Variants in CRTAC1 observed in about 807,000 individuals in gnomAD.
CRTAC1 encodes cartilage acidic protein 1, also known as acidic secreted protein in cartilage.
CRTAC1 carries 37 observed loss-of-function variants against 67.8 expected under a neutral mutation model. That is an observed-to-expected ratio of 0.55 (90% CI 0.42 to 0.72). CRTAC1 has a LOEUF of 0.72. Among genes scored for constraint, CRTAC1 ranks in the 30% least tolerant of loss-of-function variants. The pLI, the probability that CRTAC1 is intolerant of heterozygous loss-of-function variation, is 0.00. For missense variants in CRTAC1, 780 were observed against 931.6 expected, an observed-to-expected ratio of 0.84 and a Z score of 2.12; for synonymous variants, 348 against 371.0, an observed-to-expected ratio of 0.94 and a Z score of 0.71.
chr10:97,935,606 G>T (rs558120973), intron 3 of CRTAC1, among the ~76,000 whole-genome samples: 1 of 152,186 alleles, frequency 6.6e-6, no homozygotes. Flanking sequence ...ACGAACTCAA[G>T]GTCTGTCTTC....
At chr10:97,944,067 A>G (rs1020876822) in intron 2 of CRTAC1, among the ~76,000 whole-genome samples, 2 of 152,326 alleles carry the variant, frequency 1.3e-5, no homozygotes. Context: ...AAATGTATGA[A>G]AGATTTTAGG....
chr10:97,974,696 G>A (rs1190198834), intron 2 of CRTAC1, among the ~76,000 whole-genome samples: 1 of 152,114 alleles, frequency 6.6e-6, no homozygotes, highest in Non-Finnish European at 1.5e-5. Flanking sequence ...CTCCGCTCGG[G>A]GTCACCCCTG....
intron 3 of CRTAC1, among the ~76,000 whole-genome samples, chr10:97,935,073 A>T (rs2051065198): frequency 6.6e-6 from 1 of 152,198 alleles, no homozygotes; most frequent in Admixed American, 6.5e-5. Context: ...TAGGCTCTCC[A>T]AGAGGCAGTG....
At position 97,896,972 on chromosome 10, in the gene CRTAC1, C is replaced by T. The variant is rs978681231; in HGVS notation, c.1153G>A (p.Gly385Arg). The T allele has an allele frequency of 1.0e-5, 16 of 1,559,228 alleles. No individual in the cohort carries two copies. The highest frequency in any genetic ancestry group is 7.2e-5 in the East Asian group (3 of 41,928). Reference sequence around the variant, plus strand: ...TTGAGCTCCTCGATGAGGGGGTCTCCGTGCTCTCTACGGATGACGCTGCAG... The same window carrying T: ...TTGAGCTCCTCGATGAGGGGGTCTCTGTGCTCTCTACGGATGACGCTGCAG... ...RLFRVIRREH[G>R]DPLIEELNPG... Residue 385 changes from glycine to arginine, a missense_variant, in exon 9 of 15, where the codon GGA becomes AGA. Coordinates refer to ENST00000370597, the MANE Select transcript of CRTAC1 (RefSeq NM_018058.7).
chr10:97,900,240 T>A (rs1426619979), intron 8 of CRTAC1, among the ~76,000 whole-genome samples: 2 of 152,218 alleles, frequency 1.3e-5, no homozygotes, highest in Non-Finnish European at 2.9e-5. Flanking sequence ...CTTTTCCTTG[T>A]CTACCAGGAA....
intron 11 of CRTAC1, among the ~76,000 whole-genome samples, chr10:97,894,690 G>A (rs1413656176): frequency 8.3e-6 from 1 of 120,654 alleles, no homozygotes; most frequent in African/African-American, 3.0e-5. Context: ...GAGCCACTGT[G>A]CCCAGCCCCT....
chr10:98,011,851 G>A (rs1397305757), intron 1 of CRTAC1, among the ~76,000 whole-genome samples: 1 of 152,206 alleles, frequency 6.6e-6, no homozygotes, highest in Admixed American at 6.5e-5. Flanking sequence ...CATACTCTGG[G>A]AGAAAGACTG....
chr10:97,997,363 G>A (rs1429541351), intron 2 of CRTAC1, among the ~76,000 whole-genome samples: 1 of 144,906 alleles, frequency 6.9e-6, no homozygotes, highest in Non-Finnish European at 1.5e-5. Flanking sequence ...TGAGGCAGGA[G>A]AAACGCTTGA....
chr10:97,991,121 AAAAAAAG>A (rs1247216876), intron 2 of CRTAC1, among the ~76,000 whole-genome samples: 20 of 137,156 alleles, frequency 1.5e-4, no homozygotes, highest in African/African-American at 6.4e-4. Context: ...AAAAAAAAAA[AAAAAAAG>A]ATTATCTCAG....
At chr10:97,989,681 A>C (rs1221289611) in intron 2 of CRTAC1, among the ~76,000 whole-genome samples, 1 of 152,252 alleles carries the variant, frequency 6.6e-6, no homozygotes, top group African/African-American at 2.4e-5. Context: ...TTATTGGAGA[A>C]CTTTAATACC....
At chr10:98,016,881 A>AG (rs1843008610) in intron 1 of CRTAC1, among the ~76,000 whole-genome samples, 1 of 147,800 alleles carries the variant, frequency 6.8e-6, no homozygotes, top group Non-Finnish European at 1.5e-5. Context: ...TCAGAGGAGG[A>AG]GGGGGGATAT....
chr10:97,880,195 C>G, intron 14 of CRTAC1, 54 bp downstream of exon 14: 3 of 1,598,194 alleles, frequency 1.9e-6, no homozygotes, highest in Non-Finnish European at 2.6e-6. Context: ...CCAGAGCTCC[C>G]CAGTGGAAAG....
chr10:97,865,886 A>C, intron 14 of CRTAC1, 172 bp from the exon 15 acceptor site: 1 of 984,762 alleles, frequency 1.0e-6, no homozygotes, highest in Non-Finnish European at 1.4e-6. Context: ...CCTGTCCCTC[A>C]CCCCCGTCTG....
intron 11 of CRTAC1, among the ~76,000 whole-genome samples, chr10:97,887,177 G>A (rs1409612947): frequency 6.6e-6 from 1 of 151,026 alleles, no homozygotes; most frequent in African/African-American, 2.4e-5. Flanking sequence ...AAGAGTCACG[G>A]AATATTCATA....
At position 97,901,538 on chromosome 10, in the gene CRTAC1, A is replaced by G. The variant is rs2136565754; in HGVS notation, c.1098T>C (p.Ile366=). 4.3e-6 allele frequency: 7 copies of G among 1,614,122 alleles called. No individual in the cohort carries two copies. The highest frequency in any genetic ancestry group is 5.1e-6 in the Non-Finnish European group (6 of 1,180,032). The change falls in exon 8 of 15, where the codon ATT becomes ATC. Residue 366 remains isoleucine (I), a synonymous_variant. Transcript: ENST00000370597. ...GGTTGGCTGAGGAGCTGCGGTAGGC[A>G]ATGTTGTTGAAGAAGATCTCCAGCT... ...DQELEIFFNN[I]AYRSSSANRL...
intron 1 of CRTAC1, among the ~76,000 whole-genome samples, chr10:98,017,351 A>C (rs1240773329): frequency 6.6e-6 from 1 of 152,208 alleles, no homozygotes; most frequent in Non-Finnish European, 1.5e-5. Flanking sequence ...AGCAGCCCAG[A>C]CAAGGCGAAG....
intron 14 of CRTAC1, among the ~76,000 whole-genome samples, chr10:97,873,784 G>A (rs376388057): frequency 2.0e-4 from 30 of 152,324 alleles, no homozygotes; most frequent in African/African-American, 6.7e-4. Flanking sequence ...GGTTCTGGGC[G>A]GGACGTTCTG....
intron 2 of CRTAC1, among the ~76,000 whole-genome samples, chr10:97,956,057 C>A (rs1485418688): frequency 6.6e-6 from 1 of 152,202 alleles, no homozygotes; most frequent in Admixed American, 6.5e-5. Flanking sequence ...GGGAATCACA[C>A]CTGCTTCTGT....
At chr10:97,966,033 G>C (rs1206823247) in intron 2 of CRTAC1, among the ~76,000 whole-genome samples, 1 of 152,230 alleles carries the variant, frequency 6.6e-6, no homozygotes, top group Non-Finnish European at 1.5e-5. Context: ...TTTCTGAGTT[G>C]ACTCAGGCCA....
Sources: gnomAD v4.1 joint callset for allele counts (sites outside exome capture counted in the v4.1 genomes callset) on GRCh38, gnomAD v4.1.1 for gene constraint, MANE v1.5 for transcripts, NCBI Gene and HGNC (gene_info 2026-07-23, HGNC 2026-07-21) for gene names.